Variants in WTIP observed in about 807,000 individuals in gnomAD.
The protein encoded by WTIP is WT1 interacting protein.
WTIP carries 23 observed loss-of-function variants against 41.7 expected under a neutral mutation model. That is an observed-to-expected ratio of 0.55 (90% confidence interval 0.40 to 0.78). The LOEUF (loss-of-function observed/expected upper bound fraction) is 0.78, where lower values mean the gene tolerates loss of function less well. WTIP is among the 30% of genes least tolerant of loss of function. The pLI, the probability that WTIP is intolerant of heterozygous loss-of-function variation, is 0.00. For missense variants in WTIP, 619 were observed against 610.5 expected (o/e 1.01, Z -0.15); for synonymous variants, 314 against 269.9 (o/e 1.16, Z -1.60).
In WTIP at chr19:34,504,067, G is replaced by C. The variant is rs1182021146; in HGVS notation, c.*3798G>C. The C allele has an allele frequency of 6.6e-6, 1 of 152,212 alleles. No homozygotes were observed. Among genetic ancestry groups the C allele is most frequent in the Non-Finnish European group, 1.5e-5 (1 of 68,164 alleles). The allele number at this position is 152,212 out of a possible 1,614,324, so 9.4% of individuals were successfully genotyped here. Reference sequence around the variant, plus strand: ...GGGGAGAGTGTGTGTATCAATGAGAGAGACGGAGAAAGTCGTGTGTGAAAG... The same window carrying C: ...GGGGAGAGTGTGTGTATCAATGAGACAGACGGAGAAAGTCGTGTGTGAAAG... On this transcript the variant is annotated 3_prime_UTR_variant, in exon 8 of 8. Coordinates refer to ENST00000590071, the MANE Select transcript of WTIP (RefSeq NM_001080436.2).
chr19:34,485,097 T>G (rs2075790943), intron 1 of WTIP, among the ~76,000 whole-genome samples: 1 of 152,174 alleles, frequency 6.6e-6, no homozygotes, highest in Admixed American at 6.5e-5. Flanking sequence ...TTTTTAAACT[T>G]TTTTGAGACG....
intron 7 of WTIP, among the ~76,000 whole-genome samples, chr19:34,499,413 T>TCCCA (rs2075872496): frequency 6.6e-6 from 1 of 151,786 alleles, no homozygotes; most frequent in Admixed American, 6.6e-5. Context: ...GAGGCTGAGG[T>TCCCA]GGGAGGATCA....
chr19:34,483,879 C>A (rs915287307), intron 1 of WTIP, among the ~76,000 whole-genome samples: 4 of 140,738 alleles, frequency 2.8e-5, no homozygotes, highest in East Asian at 2.3e-4. Context: ...TTTGAGCGTT[C>A]AATGGTGTCA....
intron 7 of WTIP, among the ~76,000 whole-genome samples, chr19:34,499,307 C>T (rs1424968402): frequency 2.0e-5 from 3 of 151,934 alleles, no homozygotes; most frequent in Non-Finnish European, 4.4e-5. Context: ...GTCAGGAGTT[C>T]TAGACCAGCC....
intron 6 of WTIP, 35 bp from the exon 7 acceptor site, chr19:34,495,668 T>A (rs560099177): frequency 1.9e-6 from 3 of 1,611,750 alleles, no homozygotes; most frequent in Non-Finnish European, 2.5e-6. Flanking sequence ...AGTCCCCACA[T>A]GCTCATCGTG....
intron 7 of WTIP, 31 bp downstream of exon 7, chr19:34,495,802 T>G (rs376571436): frequency 5.0e-6 from 8 of 1,609,396 alleles, no homozygotes; most frequent in East Asian, 4.5e-5. Context: ...GGCTGGCAGC[T>G]GGGGCAGGCC....
chr19:34,483,834 A>G (rs2075783390), intron 1 of WTIP, among the ~76,000 whole-genome samples: 1 of 149,814 alleles, frequency 6.7e-6, no homozygotes, highest in Non-Finnish European at 1.5e-5. Flanking sequence ...GATGGTCACC[A>G]TGCCTGGGAC....
At position 34,493,501 on chromosome 19, in the gene WTIP, G is replaced by T. The variant is rs1385964743; in HGVS notation, c.910G>T (p.Ala304Ser). ...TGTGCCCCGCCCACAGATCCTGCAGGCCCTGGGCAAGTCCTACCACCCAGG... is the reference window on the plus strand; with the variant it reads ...TGTGCCCCGCCCACAGATCCTGCAGTCCCTGGGCAAGTCCTACCACCCAGG... ...GHLIMEMILQ[A>S]LGKSYHPGCF... Residue 304 changes from alanine (A) to serine (S), a missense_variant, in exon 5 of 8, where the codon GCC becomes TCC. This residue lies in a region of WTIP where 164 missense variants were observed against 219.1 expected (regional missense o/e 0.75). Coordinates refer to ENST00000590071, the MANE Select transcript of WTIP (RefSeq NM_001080436.2). The surrounding 1 kb of genome is among the most constrained non-coding windows in gnomAD (Gnocchi z 4.1). 2 of 1,613,528 alleles carry T rather than the reference G, an allele frequency of 1.2e-6. No individual in the cohort carries two copies. The highest frequency in any genetic ancestry group is 1.7e-6 in the Non-Finnish European group (2 of 1,179,854).
At chr19:34,495,272 C>T (rs901831820) in intron 6 of WTIP, among the ~76,000 whole-genome samples, 1 of 152,154 alleles carries the variant, frequency 6.6e-6, no homozygotes, top group Non-Finnish European at 1.5e-5. Context: ...TTGTGCATGC[C>T]TGTAGTCCCA....
At chr19:34,492,281 AT>A (rs1241692613) in intron 2 of WTIP, among the ~76,000 whole-genome samples, 1,990 of 140,768 alleles carry the variant, frequency 0.014, 63 homozygotes, top group Admixed American at 0.077. Flanking sequence ...CGACTGGCTA[AT>A]TTTTTTTTTT....
At chr19:34,486,868 C>T (rs1436914909) in intron 1 of WTIP, among the ~76,000 whole-genome samples, 2 of 152,068 alleles carry the variant, frequency 1.3e-5, no homozygotes, top group Non-Finnish European at 2.9e-5. Flanking sequence ...CCTTCCATCA[C>T]CAACCTCCAC....
At chr19:34,488,576 A>C (rs1302991902) in intron 1 of WTIP, among the ~76,000 whole-genome samples, 1 of 150,778 alleles carries the variant, frequency 6.6e-6, no homozygotes, top group Non-Finnish European at 1.5e-5. Flanking sequence ...TGTGTTTCCC[A>C]GGCTAGTCTG....
chr19:34,490,985 G>T (rs1220188255), intron 2 of WTIP, among the ~76,000 whole-genome samples: 2 of 151,142 alleles, frequency 1.3e-5, no homozygotes, highest in African/African-American at 4.9e-5. Flanking sequence ...CACCACGCTC[G>T]GCTAATTTTT....
chr19:34,494,414 A>C (rs532729046), intron 5 of WTIP, among the ~76,000 whole-genome samples, 172 bp from the exon 6 acceptor site: 2 of 150,288 alleles, frequency 1.3e-5, no homozygotes, highest in East Asian at 3.9e-4. Context: ...AGAAGAGGCC[A>C]GTACAGGAAG....
intron 7 of WTIP, 73 bp downstream of exon 7, chr19:34,495,844 C>G: frequency 6.7e-7 from 1 of 1,500,300 alleles, no homozygotes; most frequent in African/African-American, 1.4e-5. Flanking sequence ...TCTGGGTGTT[C>G]TGTGGGCTTA....
chr19:34,492,860 A>AT (rs951896715), intron 2 of WTIP, among the ~76,000 whole-genome samples, 177 bp from the exon 3 acceptor site: 2 of 152,048 alleles, frequency 1.3e-5, no homozygotes, highest in African/African-American at 4.8e-5. Flanking sequence ...GTTCTGTTTA[A>AT]TTTTTTTCTG....
Position 34,511,361 on chromosome 19 carries a change from A to G in WTIP, c.*11092A>G, listed in dbSNP as rs2075932327. 6.6e-6 allele frequency: 1 copy of G among 152,164 alleles called. No individual in the cohort carries two copies. The highest frequency in any genetic ancestry group is 6.5e-5 in the Admixed American group (1 of 15,274). 9.4% of individuals were successfully genotyped at this position (152,164 alleles called of 1,614,324 possible). On this transcript the variant is annotated 3_prime_UTR_variant, in exon 8 of 8. Coordinates refer to ENST00000590071, the MANE Select transcript of WTIP (RefSeq NM_001080436.2). ...GGGGAAACTGCCCCCATGATTCAAA[A>G]TATTTCCCATTGGGTCCCTCCCACA...
rs2075926622 is a variant in WTIP, at chr19:34,509,825, C to T, written c.*9556C>T. ...GAAATTGGCCAAAACAAAGGGGTTACAGGACCCATGCAAGTCCAAAATCCA... is the reference window on the plus strand; with the variant it reads ...GAAATTGGCCAAAACAAAGGGGTTATAGGACCCATGCAAGTCCAAAATCCA... On this transcript the variant is annotated 3_prime_UTR_variant, in exon 8 of 8. Coordinates refer to ENST00000590071, the MANE Select transcript of WTIP (RefSeq NM_001080436.2). 6.6e-6 allele frequency: 1 copy of T among 152,200 alleles called. No individual in the cohort carries two copies. The highest frequency in any genetic ancestry group is 1.5e-5 in the Non-Finnish European group (1 of 68,042). The allele number at this position is 152,200 out of a possible 1,614,324, so 9.4% of individuals were successfully genotyped here.
chr19:34,495,242 A>T (rs564510633), intron 6 of WTIP, among the ~76,000 whole-genome samples: 27 of 152,236 alleles, frequency 1.8e-4, no homozygotes, highest in Middle Eastern at 6.8e-3. Context: ...CAAAAAAAAT[A>T]AAAAATTAGC....
Sources: gnomAD v4.1 joint callset for allele counts (sites outside exome capture counted in the v4.1 genomes callset) on GRCh38, gnomAD v4.1.1 for gene constraint, gnomAD v4.1.1 regional missense constraint, Gnocchi (gnomAD v3.1) non-coding constraint, MANE v1.5 for transcripts, NCBI Gene and HGNC (gene_info 2026-07-23, HGNC 2026-07-21) for gene names.